The following SLC4A7 variants were observed in gnomAD, a reference collection of about 807,000 sequenced individuals.
The protein encoded by SLC4A7 is solute carrier family 4 member 7, also known as sodium bicarbonate cotransporter 3.
In SLC4A7, 51 loss-of-function variants were observed where a neutral mutation model predicts 137.6. That is an observed-to-expected ratio of 0.37 (90% CI 0.30 to 0.47). The LOEUF (loss-of-function observed/expected upper bound fraction) is 0.47, where lower values mean the gene tolerates loss of function less well. Among genes scored for constraint, SLC4A7 ranks in the 20% least tolerant of loss-of-function variants. SLC4A7 has a pLI of 1.00. For missense variants in SLC4A7, 1,247 were observed against 1,525.4 expected, an observed-to-expected ratio of 0.82 and a Z score of 3.04; for synonymous variants, 542 against 518.6, an observed-to-expected ratio of 1.05 and a Z score of -0.61.
chr3:27,435,834 G>A (rs749657445), intron 5 of SLC4A7, among the ~76,000 whole-genome samples: 1 of 151,924 alleles, frequency 6.6e-6, no homozygotes, highest in Non-Finnish European at 1.5e-5. Flanking sequence ...GACAGTGAGA[G>A]ACCCTGTGAT....
chr3:27,428,454 T>C (rs1282634728), intron 7 of SLC4A7, among the ~76,000 whole-genome samples: 1 of 152,220 alleles, frequency 6.6e-6, no homozygotes, highest in Non-Finnish European at 1.5e-5. Context: ...ATAACTAATG[T>C]CATAATGATT....
Position 27,373,733 on chromosome 3 carries a change from T to A in SLC4A7, c.*3031A>T, listed in dbSNP as rs1330724745. On this transcript the variant is annotated 3_prime_UTR_variant, in exon 26 of 26. Coordinates refer to ENST00000454389, the MANE Select transcript of SLC4A7 (RefSeq NM_001321103.2). The stretch of plus-strand genomic sequence containing the variant: ...AAAGAAAAAAATTAGAAAGCTATAT[T>A]ATACCCACACAGAAAATTTAAGTAC... 1 of 152,498 alleles carries A rather than the reference T, an allele frequency of 6.6e-6. No individual in the cohort carries two copies. The highest frequency in any genetic ancestry group is 1.5e-5 in the Non-Finnish European group (1 of 67,984). 9.4% of individuals were successfully genotyped at this position (152,498 alleles called of 1,614,324 possible).
intron 3 of SLC4A7, among the ~76,000 whole-genome samples, chr3:27,447,371 T>C (rs1300058710): frequency 6.6e-6 from 1 of 152,238 alleles, no homozygotes; most frequent in Non-Finnish European, 1.5e-5. Context: ...ATTTGCACTT[T>C]AGATTTTACT....
At chr3:27,420,138 C>T (rs941223484) in intron 10 of SLC4A7, among the ~76,000 whole-genome samples, 1 of 151,030 alleles carries the variant, frequency 6.6e-6, no homozygotes, top group Non-Finnish European at 1.5e-5. Flanking sequence ...GCACTCCAGC[C>T]TGGCAACAGA....
At chr3:27,376,892 T>C in intron 25 of SLC4A7, 47 bp from the exon 26 acceptor site, 1 of 976,006 alleles carries the variant, frequency 1.0e-6, no homozygotes, top group Non-Finnish European at 1.5e-6. Context: ...AATATAAATA[T>C]TCAATTCTAA....
At chr3:27,443,670 G>A (rs1481558526) in intron 3 of SLC4A7, among the ~76,000 whole-genome samples, 1 of 151,934 alleles carries the variant, frequency 6.6e-6, no homozygotes, top group East Asian at 1.9e-4. Flanking sequence ...CTAAAGTACT[G>A]CTTTAGTTGC....
intron 12 of SLC4A7, among the ~76,000 whole-genome samples, chr3:27,409,887 C>A (rs979213652): frequency 3.3e-5 from 5 of 152,120 alleles, no homozygotes; most frequent in African/African-American, 1.2e-4. Flanking sequence ...ATAAGCAATT[C>A]TATTAATTGT....
rs1576172904 is a variant in SLC4A7, at chr3:27,394,881, A to C, written c.2865+73T>G. ...GCTAATTTTCATCTTACATCTTTTA[A>C]TGTTCTAATCATTACAAAAACAGCT... On this transcript the variant is annotated intron_variant, in intron 19 of 25. Transcript: ENST00000454389. The C allele has an allele frequency of 6.5e-6, 10 of 1,537,402 alleles. No homozygotes were observed. In the East Asian group the frequency reaches 2.3e-4, roughly 35 times the overall value.
At chr3:27,413,258 A>G (rs1348836861) in intron 11 of SLC4A7, among the ~76,000 whole-genome samples, 1 of 152,198 alleles carries the variant, frequency 6.6e-6, no homozygotes, top group Non-Finnish European at 1.5e-5. Flanking sequence ...TACATATACC[A>G]ATTTCCAAAG....
At chr3:27,386,757 G>C (rs2050998085) in intron 22 of SLC4A7, among the ~76,000 whole-genome samples, 1 of 151,930 alleles carries the variant, frequency 6.6e-6, no homozygotes, top group African/African-American at 2.4e-5. Flanking sequence ...TTTTACACTT[G>C]GGTTTTCCTA....
rs138611932 is a variant in SLC4A7, at chr3:27,421,684, T to C, written c.1362A>G (p.Ala454=). ...GGACAGCAGGAGCCAGTCTCACAAA[T>C]GCAATTATTGGCCTTTCCAAAAAGT... ...EVDFLERPII[A]FVRLAPAVLL... is the part of the protein sequence containing the mutation. Residue 454 remains alanine (A), a synonymous_variant, in exon 9 of 26, where the codon GCA becomes GCG. Coordinates refer to ENST00000454389, the MANE Select transcript of SLC4A7 (RefSeq NM_001321103.2). The C allele has an allele frequency of 6.8e-5, 109 of 1,614,014 alleles. No homozygotes were observed. In the African/African-American group the frequency reaches 1.3e-3, roughly 19 times the overall value.
At chr3:27,384,563 T>C (rs962534885) in intron 23 of SLC4A7, among the ~76,000 whole-genome samples, 2 of 152,210 alleles carry the variant, frequency 1.3e-5, no homozygotes, top group Admixed American at 6.5e-5. Context: ...TTTTGTTTTT[T>C]GTTATATATG....
At chr3:27,468,404 T>G (rs1318508160) in intron 1 of SLC4A7, among the ~76,000 whole-genome samples, 1 of 152,200 alleles carries the variant, frequency 6.6e-6, no homozygotes, top group Admixed American at 6.5e-5. Context: ...CAATTTATTT[T>G]GGCTGAAGAT....
chr3:27,432,619 TAG>T (rs1559753413), intron 6 of SLC4A7, among the ~76,000 whole-genome samples: 6 of 152,168 alleles, frequency 3.9e-5, no homozygotes, highest in Non-Finnish European at 8.8e-5. Flanking sequence ...GTTTCAGAAA[TAG>T]TTAAACTATA....
At chr3:27,454,213 C>G (rs1238774438) in intron 1 of SLC4A7, among the ~76,000 whole-genome samples, 1 of 152,128 alleles carries the variant, frequency 6.6e-6, no homozygotes, top group Admixed American at 6.5e-5. Flanking sequence ...CATCTGTAAT[C>G]CCAACACTTT....
intron 11 of SLC4A7, among the ~76,000 whole-genome samples, chr3:27,417,626 C>T (rs2054521327): frequency 6.6e-6 from 1 of 152,030 alleles, no homozygotes; most frequent in Non-Finnish European, 1.5e-5. Context: ...TGGTAGTGCA[C>T]ACCTGTGGTC....
At chr3:27,443,314 GC>G (rs2057362711) in intron 3 of SLC4A7, among the ~76,000 whole-genome samples, 1 of 152,130 alleles carries the variant, frequency 6.6e-6, no homozygotes, top group Non-Finnish European at 1.5e-5. Flanking sequence ...ACAGGCATGA[GC>G]CACCAGGCTT....
chr3:27,458,462 A>C (rs1048329455), intron 1 of SLC4A7, among the ~76,000 whole-genome samples: 2 of 152,170 alleles, frequency 1.3e-5, no homozygotes, highest in Non-Finnish European at 2.9e-5. Context: ...TTCAAATACA[A>C]CTAAGGCTTC....
chr3:27,406,749 G>T (rs769789805), intron 13 of SLC4A7, among the ~76,000 whole-genome samples: 2 of 152,040 alleles, frequency 1.3e-5, no homozygotes, highest in African/African-American at 2.4e-5. Flanking sequence ...GGGCAACATG[G>T]CAAAAGCTGG....
Sources: allele counts gnomAD v4.1 joint callset (sites outside exome capture counted in the v4.1 genomes callset), GRCh38; gene constraint gnomAD v4.1.1; transcripts MANE v1.5; gene names NCBI Gene and HGNC (gene_info 2026-07-23, HGNC 2026-07-21).